The following CUX2 variants were observed in gnomAD, a reference collection of about 807,000 sequenced individuals.
CUX2 encodes homeobox protein cut-like 2.
Under a neutral mutation model 144.8 loss-of-function variants are expected in CUX2, and 40 were observed. The ratio of observed to expected loss-of-function variants is 0.28; its 90% CI spans 0.21 to 0.36. The LOEUF (loss-of-function observed/expected upper bound fraction) is 0.36, where lower values mean the gene tolerates loss of function less well. CUX2 is among the 10% of genes least tolerant of loss of function. The pLI, the probability that CUX2 is intolerant of heterozygous loss-of-function variation, is 1.00. For missense variants in CUX2, 1,615 were observed against 1,994.0 expected, an observed-to-expected ratio of 0.81 and a Z score of 3.62; for synonymous variants, 827 against 875.6, an observed-to-expected ratio of 0.94 and a Z score of 0.98.
intron 16 of CUX2, among the ~76,000 whole-genome samples, chr12:111,318,449 C>T (rs368806742): frequency 6.6e-6 from 1 of 151,492 alleles, no homozygotes; most frequent in East Asian, 2.0e-4. Flanking sequence ...GGCACGGTAG[C>T]TCATACCTGT....
intron 1 of CUX2, among the ~76,000 whole-genome samples, chr12:111,072,368 G>A (rs1026520533): frequency 1.6e-4 from 24 of 152,210 alleles, no homozygotes; most frequent in African/African-American, 5.8e-4. Context: ...TTTATATATA[G>A]TATTTAGTCT....
chr12:111,311,986 G>C, intron 15 of CUX2, 114 bp from the exon 16 acceptor site: 1 of 753,632 alleles, frequency 1.3e-6, no homozygotes, highest in Non-Finnish European at 2.1e-6. Context: ...CCATCTCACT[G>C]ATGGTCTGAC....
intron 1 of CUX2, among the ~76,000 whole-genome samples, chr12:111,075,131 GGAGCAGCCGCTCTCCCT>G (rs1871458426): frequency 7.2e-6 from 1 of 139,450 alleles, no homozygotes. Flanking sequence ...CCTGCTCACA[GGAGCAGCCGCTCTCCCT>G]GGCTCTGGAG....
intron 4 of CUX2, among the ~76,000 whole-genome samples, chr12:111,285,896 G>T (rs1174358214): frequency 6.6e-6 from 1 of 152,216 alleles, no homozygotes; most frequent in Non-Finnish European, 1.5e-5. Context: ...AGAGGAAGAG[G>T]TCTAAGGGCC....
At chr12:111,073,619 C>A (rs1362074753) in intron 1 of CUX2, among the ~76,000 whole-genome samples, 1 of 152,050 alleles carries the variant, frequency 6.6e-6, no homozygotes, top group East Asian at 1.9e-4. Flanking sequence ...CATCTCTGGC[C>A]TCTATCTACT....
chr12:111,133,170 C>A (rs572502156), intron 1 of CUX2, among the ~76,000 whole-genome samples: 1 of 152,170 alleles, frequency 6.6e-6, no homozygotes, highest in African/African-American at 2.4e-5. Context: ...AGGTTCCAAA[C>A]ATTTCCACAT....
chr12:111,130,889 T>C (rs762472373), intron 1 of CUX2, among the ~76,000 whole-genome samples: 4 of 152,278 alleles, frequency 2.6e-5, no homozygotes, highest in Non-Finnish European at 5.9e-5. Flanking sequence ...CTCTGCTTAG[T>C]ATGCCTATAT....
chr12:111,078,897 C>T (rs1356653540), intron 1 of CUX2, among the ~76,000 whole-genome samples: 1 of 152,124 alleles, frequency 6.6e-6, no homozygotes, highest in African/African-American at 2.4e-5. Context: ...TGGTCAGGGG[C>T]CAGGTGGCTG....
Position 111,310,703 on chromosome 12 carries a change from G to A in CUX2, c.1900+21G>A, listed in dbSNP as rs370290612. On this transcript the variant is annotated intron_variant, in intron 15 of 21. Transcript: ENST00000261726. This position sits in a 1 kb window ranked among gnomAD's most constrained non-coding sequence, Gnocchi z 7.9. ...GCGAGGTGAGTGCCCAAGAGGGCCCGTCCCCGCTGGCCACCACGCCAGGTC... is the reference window on the plus strand; with the variant it reads ...GCGAGGTGAGTGCCCAAGAGGGCCCATCCCCGCTGGCCACCACGCCAGGTC... 18 of 1,561,718 alleles carry A rather than the reference G, an allele frequency of 1.2e-5. No homozygotes were observed. Among genetic ancestry groups the A allele is most frequent in the African/African-American group, 5.4e-5 (4 of 74,234 alleles).
chr12:111,039,639 C>T lies in CUX2; in HGVS notation c.63+5399C>T, dbSNP rs550098725. Among the ~76,000 whole-genome samples, 2 of 152,282 alleles carry T rather than the reference C, an allele frequency of 1.3e-5. No individual in the cohort carries two copies. The highest frequency in any genetic ancestry group is 2.1e-4 in the South Asian group (1 of 4,820). On this transcript the variant is annotated intron_variant, in intron 1 of 21. Coordinates refer to ENST00000261726, the MANE Select transcript of CUX2 (RefSeq NM_015267.4). This position sits in a 1 kb window ranked among gnomAD's most constrained non-coding sequence, Gnocchi z 4.2. ...TCAGCTCACTGCAACCTCCGCCTCC[C>T]GGGTTCACGTGATTCCCAAGTAGTT...
intron 1 of CUX2, among the ~76,000 whole-genome samples, chr12:111,101,799 C>T (rs1464631100): frequency 6.6e-6 from 1 of 152,138 alleles, no homozygotes; most frequent in Non-Finnish European, 1.5e-5. Flanking sequence ...GGCAGACTTC[C>T]GTGGGCCAGA....
rs753978173 is a variant in CUX2, at chr12:111,307,144, CG to C, written c.1050+34del. ...CCTGGGGAGGAGGCAGGCGGGCAGGCGGCCCCATGCAGAAGCACACAGACCA... is the reference window on the plus strand; with the variant it reads ...CCTGGGGAGGAGGCAGGCGGGCAGGCGCCCCATGCAGAAGCACACAGACCA... On this transcript the variant is annotated intron_variant, in intron 11 of 21. Transcript: ENST00000261726. The surrounding 1 kb of genome is among the most constrained non-coding windows in gnomAD (Gnocchi z 4.1). 6.2e-7 allele frequency: 1 copy of C among 1,613,194 alleles called. No individual in the cohort carries two copies. The highest frequency in any genetic ancestry group is 1.1e-5 in the South Asian group (1 of 90,994).
intron 3 of CUX2, among the ~76,000 whole-genome samples, chr12:111,224,889 C>T (rs1882051503): frequency 6.6e-6 from 1 of 152,110 alleles, no homozygotes; most frequent in Admixed American, 6.6e-5. Flanking sequence ...CTGGGTTTCA[C>T]TTTCCTCTGC....
rs1888597087 is a variant in CUX2, at chr12:111,341,964, ACCCTAC to A, written c.3575_3580del (p.Tyr1192_Pro1193del). Reference sequence around the variant, plus strand: ...CACTGCGGAAGGCCTATCAGCTGGAACCCTACCCCTCGCAGCAGACCATCGAGCTCC... The same window carrying A: ...CACTGCGGAAGGCCTATCAGCTGGAACCCTCGCAGCAGACCATCGAGCTCC... On this transcript the variant is annotated inframe_deletion, in exon 21 of 22. Transcript: ENST00000261726. 6.2e-7 allele frequency: 1 copy of A among 1,613,750 alleles called. No homozygotes were observed. Among genetic ancestry groups the A allele is most frequent in the Non-Finnish European group, 8.5e-7 (1 of 1,179,970 alleles).
chr12:111,200,656 A>G (rs1880524832), intron 1 of CUX2, among the ~76,000 whole-genome samples: 1 of 152,092 alleles, frequency 6.6e-6, no homozygotes, highest in South Asian at 2.1e-4. Flanking sequence ...CACTTGGCTC[A>G]GTGTCTTCAG....
intron 3 of CUX2, among the ~76,000 whole-genome samples, chr12:111,239,758 G>C (rs1411906115): frequency 6.6e-6 from 1 of 152,122 alleles, no homozygotes; most frequent in African/African-American, 2.4e-5. Flanking sequence ...GTGGGGTGGG[G>C]GAATGGCACC....
chr12:111,344,536 C>T (rs1008506749), intron 21 of CUX2, among the ~76,000 whole-genome samples: 2 of 152,202 alleles, frequency 1.3e-5, no homozygotes, highest in African/African-American at 2.4e-5. Flanking sequence ...TAAATGTTTA[C>T]TGAGCATCTA....
At chr12:111,272,261 A>C (rs1472209681) in intron 4 of CUX2, among the ~76,000 whole-genome samples, 2 of 151,910 alleles carry the variant, frequency 1.3e-5, no homozygotes, top group Non-Finnish European at 2.9e-5. Context: ...GGAAATAGAG[A>C]TTTTCTACGA....
rs1026169346 is a variant in CUX2 at position 111,186,723 on chromosome 12, C to T, written c.64-27477C>T. On this transcript the variant is annotated intron_variant, in intron 1 of 21. Transcript: ENST00000261726. This position sits in a 1 kb window ranked among gnomAD's most constrained non-coding sequence, Gnocchi z 4.4. ...CTGCGAAGTGGAGATGGTGATGGTG[C>T]ATACCTGAGAGGGTCGCTGAGACAT... Among the ~76,000 whole-genome samples, 3 of 152,050 alleles carry T rather than the reference C, an allele frequency of 2.0e-5. No individual in the cohort carries two copies. Among genetic ancestry groups the T allele is most frequent in the Admixed American group, 6.5e-5 (1 of 15,274 alleles).
Sources: gnomAD v4.1 joint callset for allele counts (sites outside exome capture counted in the v4.1 genomes callset) on GRCh38, gnomAD v4.1.1 for gene constraint, Gnocchi (gnomAD v3.1) non-coding constraint, MANE v1.5 for transcripts, NCBI Gene and HGNC (gene_info 2026-07-23, HGNC 2026-07-21) for gene names.